NTRK2: variants seen among roughly 807,000 people sequenced by gnomAD.
NTRK2 encodes the protein BDNF/NT-3 growth factors receptor.
NTRK2 carries 13 observed loss-of-function variants against 94.5 expected under a neutral mutation model. The ratio of observed to expected loss-of-function variants is 0.14; its 90% confidence interval spans 0.09 to 0.22. The LOEUF (loss-of-function observed/expected upper bound fraction) is 0.22, where lower values mean the gene tolerates loss of function less well. Among genes scored for constraint, NTRK2 ranks in the 10% least tolerant of loss-of-function variants. NTRK2 has a pLI of 1.00. For missense variants in NTRK2, 639 were observed against 1,071.2 expected, an observed-to-expected ratio of 0.60 and a Z score of 5.63; for synonymous variants, 372 against 407.4, an observed-to-expected ratio of 0.91 and a Z score of 1.05.
At chr9:84,941,064 G>A (rs895753367) in intron 15 of NTRK2, among the ~76,000 whole-genome samples, 3 of 152,170 alleles carry the variant, frequency 2.0e-5, no homozygotes, top group East Asian at 1.9e-4. Flanking sequence ...TCAACATGAC[G>A]TAATGTTGCA....
At position 84,975,781 on chromosome 9, in the gene NTRK2, G is replaced by GAATACTATTCACACA. The variant is rs1416687065; in HGVS notation, c.2172+20267_2172+20268insACTATTCACACAAAT. Among the ~76,000 whole-genome samples, 6 of 146,602 alleles carry GAATACTATTCACACA rather than the reference G, an allele frequency of 4.1e-5. No homozygotes were observed. The East Asian group carries it at 7.0e-4, about 17-fold the overall frequency. On this transcript the variant is annotated intron_variant, in intron 17 of 18. Coordinates refer to ENST00000277120, the MANE Select transcript of NTRK2 (RefSeq NM_006180.6). ...TGTGTGATATTCACACAAATTGTGTGAATTGTATTCACACAATACAATACA... is the reference window on the plus strand; with the variant it reads ...TGTGTGATATTCACACAAATTGTGTGAATACTATTCACACAAATTGTATTCACACAATACAATACA...
intron 12 of NTRK2, among the ~76,000 whole-genome samples, chr9:84,791,574 A>G (rs1307755856): frequency 1.3e-5 from 2 of 152,202 alleles, no homozygotes; most frequent in African/African-American, 4.8e-5. Context: ...CAGAGAACAC[A>G]TGTGGTTTCC....
At chr9:84,899,780 G>GA (rs1170530756) in intron 14 of NTRK2, among the ~76,000 whole-genome samples, 1 of 152,186 alleles carries the variant, frequency 6.6e-6, no homozygotes, top group African/African-American at 2.4e-5. Context: ...AGTGAAGAAT[G>GA]AAAAACGTGT....
chr9:84,768,111 C>A (rs770839647), intron 12 of NTRK2, among the ~76,000 whole-genome samples: 4 of 152,192 alleles, frequency 2.6e-5, no homozygotes, highest in Non-Finnish European at 5.9e-5. Flanking sequence ...TTCTCAGTTC[C>A]CTCTCTAGCC....
intron 9 of NTRK2, among the ~76,000 whole-genome samples, chr9:84,740,357 A>G (rs566167868): frequency 4.1e-4 from 63 of 152,380 alleles, no homozygotes; most frequent in Admixed American, 8.5e-4. Flanking sequence ...CTGACAAGAC[A>G]TATTCACATA....
rs1174865383 is a variant in NTRK2 at position 84,814,439 on chromosome 9, C to CT, written c.1397-46593dup. The CT allele has an allele frequency of 3.0e-5, 32 of 1,065,458 alleles. No individual in the cohort carries two copies. The East Asian group carries it at 8.4e-4, about 28-fold the overall frequency. 66.0% of individuals were successfully genotyped at this position (1,065,458 alleles called of 1,614,324 possible). On this transcript the variant is annotated intron_variant, in intron 12 of 18. Transcript: ENST00000277120. ...CTCTTTATTTCTTTAGAGCACTTGA[C>CT]TTTTTTTTCTCTCTCTCTCTAGTAT...
chr9:85,024,831 G>T lies in NTRK2; in HGVS notation c.*3394G>T, dbSNP rs1452988985. Reference sequence around the variant, plus strand: ...TTATTTAGAAAACACTTTGAACTATGCTATAAAAGATTATATCAGAATTCA... The same window carrying T: ...TTATTTAGAAAACACTTTGAACTATTCTATAAAAGATTATATCAGAATTCA... On this transcript the variant is annotated 3_prime_UTR_variant, in exon 19 of 19. Transcript: ENST00000277120. The T allele has an allele frequency of 4.3e-6, 1 of 232,782 alleles. No individual in the cohort carries two copies. Among genetic ancestry groups the T allele is most frequent in the Non-Finnish European group, 8.5e-6 (1 of 117,882 alleles). 14.4% of individuals were successfully genotyped at this position (232,782 alleles called of 1,614,324 possible).
Position 84,811,872 on chromosome 9 carries a change from C to G in NTRK2, c.1397-49168C>G, listed in dbSNP as rs200562064. On this transcript the variant is annotated intron_variant, in intron 12 of 18. Transcript: ENST00000277120. Reference sequence around the variant, plus strand: ...TATGCTCTGTTCAGTCTGTGTCAGGCAGTATGCTTGTCCTGAAGAGAGGTT... The same window carrying G: ...TATGCTCTGTTCAGTCTGTGTCAGGGAGTATGCTTGTCCTGAAGAGAGGTT... The G allele has an allele frequency of 1.7e-4, 186 of 1,064,682 alleles. No homozygotes were observed. The Middle Eastern group carries it at 3.7e-3, about 21-fold the overall frequency. The allele number at this position is 1,064,682 out of a possible 1,614,324, so 66.0% of individuals were successfully genotyped here.
intron 11 of NTRK2, among the ~76,000 whole-genome samples, chr9:84,747,720 A>G (rs1198307900): frequency 6.6e-6 from 1 of 152,040 alleles, no homozygotes; most frequent in African/African-American, 2.4e-5. Context: ...TGACCTTGTG[A>G]TCTGCCCGCC....
At chr9:84,802,798 G>A (rs2070654645) in intron 12 of NTRK2, among the ~76,000 whole-genome samples, 1 of 152,152 alleles carries the variant, frequency 6.6e-6, no homozygotes, top group African/African-American at 2.4e-5. Context: ...CTTAAGGAGT[G>A]TGCATAGTGA....
intron 15 of NTRK2, among the ~76,000 whole-genome samples, chr9:84,937,136 T>C (rs1006499455): frequency 1.3e-5 from 2 of 152,212 alleles, no homozygotes; most frequent in African/African-American, 4.8e-5. Context: ...AGAAAATGTC[T>C]ATAGTTCAGC....
rs1832781255 is a variant in NTRK2, at chr9:85,021,558, A to T, written c.*121A>T. 3 of 960,418 alleles carry T rather than the reference A, an allele frequency of 3.1e-6. No homozygotes were observed. The highest frequency in any genetic ancestry group is 3.4e-6 in the Non-Finnish European group (2 of 593,568). 59.5% of individuals were successfully genotyped at this position (960,418 alleles called of 1,614,324 possible). The stretch of plus-strand genomic sequence containing the variant: ...TCTCCTTCACTCTGACAGTATTAAC[A>T]TCAAAGACTCCGAGAAGCTCTCGAG... On this transcript the variant is annotated 3_prime_UTR_variant, in exon 19 of 19. Transcript: ENST00000277120.
chr9:84,899,393 T>C (rs1045063641), intron 14 of NTRK2, among the ~76,000 whole-genome samples: 1 of 152,246 alleles, frequency 6.6e-6, no homozygotes, highest in African/African-American at 2.4e-5. Context: ...GGTTTTATAT[T>C]TGTACCTCCA....
At chr9:84,979,611 G>A (rs1827331495) in intron 17 of NTRK2, among the ~76,000 whole-genome samples, 1 of 152,202 alleles carries the variant, frequency 6.6e-6, no homozygotes, top group Non-Finnish European at 1.5e-5. Flanking sequence ...GGTTGATAAA[G>A]CAGCAGCAGA....
rs80205700 is a variant in NTRK2 at position 84,821,579 on chromosome 9, G to A, written c.1397-39461G>A. Among the ~76,000 whole-genome samples, 894 of 152,240 alleles carry A rather than the reference G, an allele frequency of 5.9e-3. 11 individuals are homozygous for A. The highest frequency in any genetic ancestry group is 0.02 in the African/African-American group (850 of 41,532). ...AATAATTACAAATCCCAAAAGGTTG[G>A]TGTTCCGTTCTGAGCTCCAAGATGT... On this transcript the variant is annotated intron_variant, in intron 12 of 18. Coordinates refer to ENST00000277120, the MANE Select transcript of NTRK2 (RefSeq NM_006180.6).
At chr9:84,705,540 GGCAGCA>G (rs1486000315) in intron 4 of NTRK2, among the ~76,000 whole-genome samples, 2 of 152,174 alleles carry the variant, frequency 1.3e-5, no homozygotes, top group Non-Finnish European at 2.9e-5. Context: ...GCCCCACAGA[GGCAGCA>G]GCTCTGCGGG....
At chr9:84,827,574 A>C (rs545904235) in intron 12 of NTRK2, among the ~76,000 whole-genome samples, 2 of 152,364 alleles carry the variant, frequency 1.3e-5, no homozygotes, top group East Asian at 1.9e-4. Context: ...AACACTGTGC[A>C]GGCCAGACAA....
intron 15 of NTRK2, among the ~76,000 whole-genome samples, chr9:84,935,000 G>A (rs2078167616): frequency 1.3e-5 from 2 of 151,874 alleles, no homozygotes. Context: ...TAAAACACAA[G>A]AATTAACAAA....
At chr9:84,903,061 T>G (rs1413704127) in intron 14 of NTRK2, among the ~76,000 whole-genome samples, 1 of 152,266 alleles carries the variant, frequency 6.6e-6, no homozygotes, top group Non-Finnish European at 1.5e-5. Flanking sequence ...TGATTTTTAC[T>G]GTACTGCTCG....
Sources: allele counts gnomAD v4.1 joint callset (sites outside exome capture counted in the v4.1 genomes callset), GRCh38; gene constraint gnomAD v4.1.1; transcripts MANE v1.5; gene names NCBI Gene and HGNC (gene_info 2026-07-23, HGNC 2026-07-21).